Variants in RELA observed in about 807,000 individuals in gnomAD.
The protein encoded by RELA is RELA proto-oncogene, NF-kB subunit.
RELA carries 14 observed loss-of-function variants against 56.7 expected under a neutral mutation model. The ratio of observed to expected loss-of-function variants is 0.25; its 90% CI spans 0.16 to 0.39. The LOEUF (loss-of-function observed/expected upper bound fraction) is 0.39, where lower values mean the gene tolerates loss of function less well. RELA is among the 10% of genes least tolerant of loss of function. The pLI is 1.00. For synonymous variants in RELA, 315 were observed against 289.7 expected, an observed-to-expected ratio of 1.09 and a Z score of -0.89; for missense variants, 559 against 736.4, an observed-to-expected ratio of 0.76 and a Z score of 2.79.
At position 65,658,630 on chromosome 11, in the gene RELA, T is replaced by A; in HGVS notation, c.664+88A>T. ...GAGGCCCCCGAGGCACAGGAGGAAG[T>A]ATCCAAAGCCAGTTACCTGACACTC... On this transcript the variant is annotated intron_variant, in intron 7 of 10. Transcript: ENST00000406246. This position sits in a 1 kb window ranked among gnomAD's most constrained non-coding sequence, Gnocchi z 4.5. 7.0e-7 allele frequency: 1 copy of A among 1,418,960 alleles called. No homozygotes were observed. The highest frequency in any genetic ancestry group is 1.2e-5 in the South Asian group (1 of 86,042). The allele number at this position is 1,418,960 out of a possible 1,614,324, so 87.9% of individuals were successfully genotyped here.
rs1466314649 is a variant in RELA, at chr11:65,660,553, T to C, written c.336-338A>G. 3 of 302,394 alleles carry C rather than the reference T, an allele frequency of 9.9e-6. No individual in the cohort carries two copies. In the South Asian group the frequency reaches 1.3e-4, roughly 13 times the overall value. The allele number at this position is 302,394 out of a possible 1,614,324, so 18.7% of individuals were successfully genotyped here. ...GTTCTTTTCCTACTTCTCTCCTCCT[T>C]CTCACCATTCAAGTCTTAGCTGAGG... is the stretch of plus-strand genomic sequence containing the variant. On this transcript the variant is annotated intron_variant, in intron 4 of 10. Transcript: ENST00000406246.
chr11:65,655,616 C>A (rs940652206), intron 10 of RELA, 72 bp downstream of exon 10: 2 of 1,464,914 alleles, frequency 1.4e-6, no homozygotes, highest in African/African-American at 2.8e-5. Context: ...GCCCAGGAGT[C>A]TTCATCTCCA....
At chr11:65,662,501 A>G in intron 1 of RELA, 1 of 471,798 alleles carries the variant, frequency 2.1e-6, no homozygotes, top group Non-Finnish European at 3.7e-6. Context: ...TCCAGAGAGG[A>G]AACTGAATCA....
At position 65,662,183 on chromosome 11, in the gene RELA, C is replaced by G; in HGVS notation, c.30G>C (p.Pro10=). 1 of 1,588,592 alleles carries G rather than the reference C, an allele frequency of 6.3e-7. No homozygotes were observed. Among genetic ancestry groups the G allele is most frequent in the Non-Finnish European group, 8.5e-7 (1 of 1,171,820 alleles). ...ACCGCCGCGGGGGCCACTTACCTGC[C>G]GGGAAGATGAGGGGGAACAGTTCTG... MDELFPLIF[P]AEPAQASGPY... Residue 10 remains proline (P), a synonymous_variant, in exon 2 of 11, where the codon CCG becomes CCC. Transcript: ENST00000406246.
chr11:65,657,709 C>A (rs144303328), intron 8 of RELA, among the ~76,000 whole-genome samples: 411 of 152,330 alleles, frequency 2.7e-3, no homozygotes, highest in African/African-American at 9.4e-3. Flanking sequence ...TGCCCCCGTG[C>A]TTCTCTGCGC....
In RELA at chr11:65,654,990, G is replaced by C. The variant is rs761633512; in HGVS notation, c.1044C>G (p.Pro348=). 6.3e-7 allele frequency: 1 copy of C among 1,598,096 alleles called. No individual in the cohort carries two copies. The highest frequency in any genetic ancestry group is 1.1e-5 in the South Asian group (1 of 88,260). ...TGCTCAGGGATGACGTAAAGGGATA[G>C]GGCTGGGGTGCTGGAGGAGAGAGAC... is the stretch of plus-strand genomic sequence containing the variant. ...SASVPKPAPQ[P]YPFTSSLSTI... is the part of the protein sequence containing the mutation. Residue 348 remains proline, a synonymous_variant, in exon 11 of 11, where the codon CCC becomes CCG. Transcript: ENST00000406246.
chr11:65,662,753 C>G (rs955754033), intron 1 of RELA, 73 bp downstream of exon 1: 32 of 1,149,196 alleles, frequency 2.8e-5, no homozygotes, highest in Non-Finnish European at 3.4e-5. Context: ...GGGCGGAAAG[C>G]GGCGCGGGGG....
In RELA at chr11:65,658,595, C is replaced by T. The variant is rs929875061; in HGVS notation, c.665-96G>A. On this transcript the variant is annotated intron_variant, in intron 7 of 10. Coordinates refer to ENST00000406246, the MANE Select transcript of RELA (RefSeq NM_021975.4). This position sits in a 1 kb window ranked among gnomAD's most constrained non-coding sequence, Gnocchi z 4.5. ...GCTTGTCTTCTGATACATCACCCTTCGGCCCACCTGAGGCCCCCGAGGCAC... is the reference window on the plus strand; with the variant it reads ...GCTTGTCTTCTGATACATCACCCTTTGGCCCACCTGAGGCCCCCGAGGCAC... 38 of 1,388,366 alleles carry T rather than the reference C, an allele frequency of 2.7e-5. No homozygotes were observed. The highest frequency in any genetic ancestry group is 5.7e-5 in the African/African-American group (4 of 70,676). The allele number at this position is 1,388,366 out of a possible 1,614,324, so 86.0% of individuals were successfully genotyped here. A position where few individuals can be genotyped will look rare whatever the true frequency, so the allele number is the denominator to read the frequency against.
At chr11:65,656,743 G>A (rs1045122787) in intron 8 of RELA, among the ~76,000 whole-genome samples, 3 of 152,118 alleles carry the variant, frequency 2.0e-5, no homozygotes, top group African/African-American at 4.8e-5. Context: ...AGAAAATCTC[G>A]GCCAGGCGTG....
chr11:65,657,112 G>A (rs1317637999), intron 8 of RELA, among the ~76,000 whole-genome samples: 3 of 152,134 alleles, frequency 2.0e-5, no homozygotes, highest in African/African-American at 7.2e-5. Context: ...TGGAAGTGAG[G>A]TCAGGACAGT....
chr11:65,662,360 G>A (rs1856592975), intron 1 of RELA, 155 bp from the exon 2 acceptor site: 1 of 846,430 alleles, frequency 1.2e-6, no homozygotes, highest in African/African-American at 1.8e-5. Context: ...AAGGGGTGGA[G>A]GAAAGGAACC....
rs956843346 is a variant in RELA, at chr11:65,658,230, CCTCT to C, written c.877+53_877+56del. 83 of 1,347,120 alleles carry C rather than the reference CCTCT, an allele frequency of 6.2e-5. No individual in the cohort carries two copies. The highest frequency in any genetic ancestry group is 2.5e-5 in the East Asian group (1 of 39,762). 83.4% of individuals were successfully genotyped at this position (1,347,120 alleles called of 1,614,324 possible). A position where few individuals can be genotyped will look rare whatever the true frequency, so the allele number is the denominator to read the frequency against. On this transcript the variant is annotated intron_variant, in intron 8 of 10. Coordinates refer to ENST00000406246, the MANE Select transcript of RELA (RefSeq NM_021975.4). The surrounding 1 kb of genome is among the most constrained non-coding windows in gnomAD (Gnocchi z 4.5). Reference sequence around the variant, plus strand: ...CACAGCCCCAGACATGCAGTCTTGGCCTCTCTCTCACGGCACAGAGCCCAGCTGC... The same window carrying C: ...CACAGCCCCAGACATGCAGTCTTGGCCTCTCACGGCACAGAGCCCAGCTGC...
chr11:65,654,895 G>A lies in RELA; in HGVS notation c.1139C>T (p.Ala380Val). ...GGGCAGGACTTGGGGAGGGGCCGGG[G>A]CCAAGGCCGAGGCCTGGCTGATCTG... ...SGQISQASAL[A>V]PAPPQVLPQA... Residue 380 changes from alanine to valine, a missense_variant, in exon 11 of 11, where the codon GCC (alanine) becomes GTC (valine). Physicochemically the swap from Ala to Val is moderately conservative, Grantham distance 64 (BLOSUM62 0). Transcript: ENST00000406246. 1 of 1,587,234 alleles carries A rather than the reference G, an allele frequency of 6.3e-7. No homozygotes were observed. The highest frequency in any genetic ancestry group is 1.3e-5 in the African/African-American group (1 of 74,842).
At chr11:65,655,968 T>G (rs1856417011) in intron 8 of RELA, 33 bp from the exon 9 acceptor site, 1 of 1,591,162 alleles carries the variant, frequency 6.3e-7, no homozygotes, top group South Asian at 1.1e-5. Flanking sequence ...TGGGACTTGC[T>G]CTCCTCAGGT....
intron 1 of RELA, 193 bp from the exon 2 acceptor site, chr11:65,662,398 G>A (rs1037067688): frequency 6.5e-6 from 4 of 610,714 alleles, no homozygotes; most frequent in African/African-American, 5.7e-5. Flanking sequence ...GAGGGAAAAC[G>A]GGGTAAGGAA....
chr11:65,662,765 T>C, intron 1 of RELA, 61 bp downstream of exon 1: 2 of 1,178,752 alleles, frequency 1.7e-6, no homozygotes, highest in Non-Finnish European at 2.1e-6. Flanking sequence ...GCGCGGGGGC[T>C]CCCGCCACAG....
chr11:65,660,212 G>A lies in RELA; in HGVS notation c.339C>T (p.Phe113=). ...ELCPDRCIHS[F]QNLGIQCVKK... ...TCACACACTGGATTCCCAGGTTCTGGAAACTGAGCGCCCCCAGTCGTCTGT... is the reference window on the plus strand; with the variant it reads ...TCACACACTGGATTCCCAGGTTCTGAAAACTGAGCGCCCCCAGTCGTCTGT... Residue 113 remains phenylalanine (F), a synonymous_variant, in exon 5 of 11, where the codon TTC becomes TTT. Coordinates refer to ENST00000406246, the MANE Select transcript of RELA (RefSeq NM_021975.4). 1 of 1,614,102 alleles carries A rather than the reference G, an allele frequency of 6.2e-7. No individual in the cohort carries two copies. The highest frequency in any genetic ancestry group is 8.5e-7 in the Non-Finnish European group (1 of 1,179,990).
Position 65,661,994 on chromosome 11 carries a change from C to G in RELA, c.129G>C (p.Ala43=). The change falls in exon 3 of 11, where the codon GCG becomes GCC. Residue 43 remains alanine (A), a synonymous_variant. Transcript: ENST00000406246. ...TGCTCCTCTCGCCTGGGATGCTGCCCGCGGAGCGCCCCTCGCACTTGTAGC... is the reference window on the plus strand; with the variant it reads ...TGCTCCTCTCGCCTGGGATGCTGCCGGCGGAGCGCCCCTCGCACTTGTAGC... ...RFRYKCEGRS[A]GSIPGERSTD... is the part of the protein sequence containing the mutation. 1 of 1,613,738 alleles carries G rather than the reference C, an allele frequency of 6.2e-7. No homozygotes were observed. The highest frequency in any genetic ancestry group is 8.5e-7 in the Non-Finnish European group (1 of 1,179,948).
At position 65,655,842 on chromosome 11, in the gene RELA, G is replaced by C; in HGVS notation, c.958+13C>G. ...GCTGCCTTCCTCTCTGGCTTTCCCAGTCCCCATCTCACCGCTGAAAGGACT... is the reference window on the plus strand; with the variant it reads ...GCTGCCTTCCTCTCTGGCTTTCCCACTCCCCATCTCACCGCTGAAAGGACT... On this transcript the variant is annotated intron_variant, in intron 9 of 10. Transcript: ENST00000406246. 6.2e-7 allele frequency: 1 copy of C among 1,613,836 alleles called. No homozygotes were observed.
Sources: gnomAD v4.1 joint callset for allele counts (sites outside exome capture counted in the v4.1 genomes callset) on GRCh38, gnomAD v4.1.1 for gene constraint, Gnocchi (gnomAD v3.1) non-coding constraint, MANE v1.5 for transcripts, NCBI Gene and HGNC (gene_info 2026-07-23, HGNC 2026-07-21) for gene names.